The following GRID2IP variants were observed in gnomAD, a reference collection of about 807,000 sequenced individuals.
GRID2IP encodes the protein Grid2 interacting protein.
Under a neutral mutation model 114.3 loss-of-function variants are expected in GRID2IP, and 78 were observed. The observed-to-expected ratio is 0.68, with a 90% confidence interval of 0.57 to 0.82. The LOEUF (loss-of-function observed/expected upper bound fraction) is 0.82, where lower values mean the gene tolerates loss of function less well. Among genes scored for constraint, GRID2IP ranks in the 40% least tolerant of loss-of-function variants. The probability of loss-of-function intolerance (pLI) is 0.00; values close to 1 mark genes in which losing one functional copy is unlikely to be tolerated. For missense variants in GRID2IP, 1,727 were observed against 1,678.5 expected, an observed-to-expected ratio of 1.03 and a Z score of -0.51; for synonymous variants, 809 against 724.0, an observed-to-expected ratio of 1.12 and a Z score of -1.89.
Position 6,526,811 on chromosome 7 carries a change from C to T in GRID2IP, c.585-42G>A, listed in dbSNP as rs12702526. The stretch of plus-strand genomic sequence containing the variant: ...CGGAGTCGGGGCGCGTTCCCGGACC[C>T]CGGATCTCTGCAAACCGCGGCCCGA... On this transcript the variant is annotated intron_variant, in intron 2 of 21. Coordinates refer to ENST00000457091, the MANE Select transcript of GRID2IP (RefSeq NM_001145118.2). The surrounding 1 kb of genome is among the most constrained non-coding windows in gnomAD (Gnocchi z 7.6). 726,612 of 1,455,154 alleles carry T rather than the reference C, an allele frequency of 0.5. 195,984 individuals carry two copies. The highest frequency in any genetic ancestry group is 0.56 in the Non-Finnish European group (619,436 of 1,104,896). The allele number at this position is 1,455,154 out of a possible 1,614,324, so 90.1% of individuals were successfully genotyped here.
In GRID2IP at chr7:6,514,487, G is replaced by A. The variant is rs1471598668; in HGVS notation, c.1311C>T (p.Asp437=). ...TLIVDVYPVL[D]TPAKQVLWQF... ...GCCACAGGACCTGCTTGGCAGGGGT[G>A]TCCAGCACAGGGTAGACGTCAACGA... Residue 437 remains aspartate, a synonymous_variant, in exon 8 of 22, where the codon GAC becomes GAT. Transcript: ENST00000457091. 4.5e-6 allele frequency: 7 copies of A among 1,548,086 alleles called. No individual in the cohort carries two copies. The highest frequency in any genetic ancestry group is 6.1e-6 in the Non-Finnish European group (7 of 1,145,546).
rs1779686110 is a variant in GRID2IP at position 6,534,231 on chromosome 7, C to T, written c.584+5487G>A. On this transcript the variant is annotated intron_variant, in intron 2 of 21. Coordinates refer to ENST00000457091, the MANE Select transcript of GRID2IP (RefSeq NM_001145118.2). The surrounding 1 kb of genome is among the most constrained non-coding windows in gnomAD (Gnocchi z 4.5). ...ATTCAAGCCGGGTCTGTCCGGATTC[C>T]GAATCCCAGCTTCTACCATGACCTG... Among the ~76,000 whole-genome samples the T allele has an allele frequency of 6.6e-6, 1 of 152,146 alleles. No individual in the cohort carries two copies. The highest frequency in any genetic ancestry group is 2.4e-5 in the African/African-American group (1 of 41,440).
intron 7 of GRID2IP, among the ~76,000 whole-genome samples, chr7:6,518,765 C>T (rs1056255179): frequency 2.0e-5 from 3 of 151,806 alleles, no homozygotes; most frequent in Non-Finnish European, 4.4e-5. Context: ...AAAAAAGAAA[C>T]TAGCAAAAAT....
chr7:6,535,531 T>G (rs2115092334), intron 2 of GRID2IP, among the ~76,000 whole-genome samples: 1 of 152,192 alleles, frequency 6.6e-6, no homozygotes. Flanking sequence ...CGTGTATATT[T>G]TTTTGCCTAC....
intron 7 of GRID2IP, among the ~76,000 whole-genome samples, chr7:6,515,322 C>T (rs1479429768): frequency 1.3e-5 from 2 of 151,884 alleles, no homozygotes; most frequent in African/African-American, 2.4e-5. Context: ...ATTAGCTGGG[C>T]GTGGTGGCAT....
chr7:6,536,925 G>A lies in GRID2IP; in HGVS notation c.584+2793C>T, dbSNP rs1382491941. On this transcript the variant is annotated intron_variant, in intron 2 of 21. Coordinates refer to ENST00000457091, the MANE Select transcript of GRID2IP (RefSeq NM_001145118.2). This position sits in a 1 kb window ranked among gnomAD's most constrained non-coding sequence, Gnocchi z 5.3. ...CCGGGGCTGGGGTGGGCGGGGGGGC[G>A]GCGGGGAGGGTGGCCAGCCCAGTCC... The A allele has an allele frequency of 3.2e-6, 2 of 628,944 alleles. No individual in the cohort carries two copies. The highest frequency in any genetic ancestry group is 2.4e-5 in the Admixed American group (1 of 41,166). 39.0% of individuals were successfully genotyped at this position (628,944 alleles called of 1,614,324 possible).
rs768203864 is a variant in GRID2IP, at chr7:6,507,975, G to C, written c.2544+10C>G. ...CAGTACAGAGCGCTGCTGGGTCCCA[G>C]GTCACCTACCTGACCCCAGATGGTG... On this transcript the variant is annotated intron_variant, in intron 13 of 21. Transcript: ENST00000457091. This position sits in a 1 kb window ranked among gnomAD's most constrained non-coding sequence, Gnocchi z 5.3. 1 of 1,549,912 alleles carries C rather than the reference G, an allele frequency of 6.5e-7. No individual in the cohort carries two copies. Among genetic ancestry groups the C allele is most frequent in the South Asian group, 1.2e-5 (1 of 84,046 alleles).
rs1480441940 is a variant in GRID2IP, at chr7:6,509,213, G to T, written c.1872C>A (p.Ser624Arg). The T allele has an allele frequency of 1.3e-6, 2 of 1,497,146 alleles. No homozygotes were observed. The highest frequency in any genetic ancestry group is 5.0e-5 in the East Asian group (2 of 40,108). 92.7% of individuals were successfully genotyped at this position (1,497,146 alleles called of 1,614,324 possible). A position where few individuals can be genotyped will look rare whatever the true frequency, so the allele number is the denominator to read the frequency against. ...LCSGGLASPS[S>R]SESHPYASLD... ...GGCTGGCGTAGGGGTGGGACTCAGA[G>T]CTGCTGGGGGAGGCCAGACCCCCCG... Residue 624 changes from serine (S) to arginine (R), a missense_variant, in exon 12 of 22, where the codon AGC (serine) becomes AGA (arginine). Coordinates refer to ENST00000457091, the MANE Select transcript of GRID2IP (RefSeq NM_001145118.2). This position sits in a 1 kb window ranked among gnomAD's most constrained non-coding sequence, Gnocchi z 4.9.
chr7:6,512,231 C>CCTT (rs1779186584), intron 8 of GRID2IP, among the ~76,000 whole-genome samples: 1 of 90,196 alleles, frequency 1.1e-5, no homozygotes, highest in African/African-American at 4.6e-5. Flanking sequence ...TTCTTTTCTT[C>CCTT]TTTTTTTTTT....
chr7:6,548,759 T>C (rs930555830), intron 1 of GRID2IP, among the ~76,000 whole-genome samples: 1 of 151,514 alleles, frequency 6.6e-6, no homozygotes, highest in Admixed American at 6.6e-5. Flanking sequence ...GGAGAATCAC[T>C]TGAACCCAGG....
At chr7:6,505,665 G>A (rs904740993) in intron 14 of GRID2IP, among the ~76,000 whole-genome samples, 155 bp downstream of exon 14, 2 of 152,266 alleles carry the variant, frequency 1.3e-5, no homozygotes, top group Non-Finnish European at 1.5e-5. Context: ...CACTGTGCCC[G>A]GCCTAAATGC....
In GRID2IP at chr7:6,497,291, G is replaced by C. The variant is rs1288237446; in HGVS notation, c.*483C>G. Among the ~76,000 whole-genome samples the C allele has an allele frequency of 6.6e-6, 1 of 152,222 alleles. No homozygotes were observed. Among genetic ancestry groups the C allele is most frequent in the African/African-American group, 2.4e-5 (1 of 41,460 alleles). ...CCTGAAGCCAGCTTCCAAGGCCCAG[G>C]CTGGGCGTGCACATCCCCAGGGCCC... is the stretch of plus-strand genomic sequence containing the variant. On this transcript the variant is annotated 3_prime_UTR_variant, in exon 22 of 22. Coordinates refer to ENST00000457091, the MANE Select transcript of GRID2IP (RefSeq NM_001145118.2).
At chr7:6,524,964 T>G (rs1265691178) in intron 4 of GRID2IP, among the ~76,000 whole-genome samples, 2 of 151,750 alleles carry the variant, frequency 1.3e-5, no homozygotes, top group African/African-American at 4.8e-5. Context: ...GTGATCCACC[T>G]GCCTTGGCCT....
At chr7:6,533,658 C>G (rs1435367408) in intron 2 of GRID2IP, among the ~76,000 whole-genome samples, 1 of 151,570 alleles carries the variant, frequency 6.6e-6, no homozygotes, top group Non-Finnish European at 1.5e-5. Flanking sequence ...ACCACTGCCC[C>G]CAGCTCATTT....
rs182278308 is a variant in GRID2IP, at chr7:6,513,008, T to G, written c.1423+1367A>C. On this transcript the variant is annotated intron_variant, in intron 8 of 21. Coordinates refer to ENST00000457091, the MANE Select transcript of GRID2IP (RefSeq NM_001145118.2). ...CCTAGAACAGGGTAGAACACAGGCT[T>G]CGGCACACCTTCCATCCACATGACC... Among the ~76,000 whole-genome samples, 23 of 152,238 alleles carry G rather than the reference T, an allele frequency of 1.5e-4. No individual in the cohort carries two copies. In the East Asian group the frequency reaches 4.1e-3, roughly 27 times the overall value.
rs759135741 is a variant in GRID2IP at position 6,526,639 on chromosome 7, G to A, written c.715C>T (p.Pro239Ser). The A allele has an allele frequency of 2.2e-6, 3 of 1,364,824 alleles. No homozygotes were observed. Among genetic ancestry groups the A allele is most frequent in the Non-Finnish European group, 2.8e-6 (3 of 1,060,284 alleles). 84.5% of individuals were successfully genotyped at this position (1,364,824 alleles called of 1,614,324 possible). The change falls in exon 3 of 22, where the codon CCG becomes TCG. Residue 239 changes from proline to serine, a missense_variant. By Grantham distance (74) the Pro-to-Ser change is moderately conservative (BLOSUM62 -1). Coordinates refer to ENST00000457091, the MANE Select transcript of GRID2IP (RefSeq NM_001145118.2). This position sits in a 1 kb window ranked among gnomAD's most constrained non-coding sequence, Gnocchi z 7.6. ...RLRRSRSEERPERLLVSTRAS... is the reference protein window; with the variant it reads ...RLRRSRSEERSERLLVSTRAS... ...CGCGTGGACACCAGGAGGCGCTCCG[G>A]CCGCTCCTCGCTGCGGCTCCGGCGC...
chr7:6,504,954 C>T, intron 14 of GRID2IP, 84 bp from the exon 15 acceptor site: 1 of 1,047,110 alleles, frequency 9.6e-7, no homozygotes. Context: ...TCACAGCCAA[C>T]AGCCACTATC....
Position 6,520,619 on chromosome 7 carries a change from G to A in GRID2IP, c.1227C>T (p.Arg409=), listed in dbSNP as rs1356879182. 1 of 1,551,716 alleles carries A rather than the reference G, an allele frequency of 6.4e-7. No individual in the cohort carries two copies. The highest frequency in any genetic ancestry group is 2.0e-5 in the Admixed American group (1 of 51,012). Residue 409 remains arginine, a synonymous_variant, in exon 7 of 22, where the codon CGC becomes CGT. Transcript: ENST00000457091. The surrounding 1 kb of genome is among the most constrained non-coding windows in gnomAD (Gnocchi z 4.6). ...TCTCGAGGGCCCGGCAGACCCCATA[G>A]CGCTCAGGAGGTGTGAGTAGGTGCT... ...QLEHLLTPPE[R]YGVCRALESF...
In GRID2IP at chr7:6,508,865, C is replaced by G; in HGVS notation, c.2127+93G>C. The G allele has an allele frequency of 4.1e-6, 6 of 1,472,230 alleles. No homozygotes were observed. Among genetic ancestry groups the G allele is most frequent in the Non-Finnish European group, 5.4e-6 (6 of 1,113,416 alleles). 91.2% of individuals were successfully genotyped at this position (1,472,230 alleles called of 1,614,324 possible). A position where few individuals can be genotyped will look rare whatever the true frequency, so the allele number is the denominator to read the frequency against. ...AGCCTGGGGAAGATCCCAAGGGCAGCAGGCCCCTTGCGGGAGCCCAGGAAC... is the reference window on the plus strand; with the variant it reads ...AGCCTGGGGAAGATCCCAAGGGCAGGAGGCCCCTTGCGGGAGCCCAGGAAC... On this transcript the variant is annotated intron_variant, in intron 12 of 21. Transcript: ENST00000457091. This position sits in a 1 kb window ranked among gnomAD's most constrained non-coding sequence, Gnocchi z 5.6.
Sources: allele counts gnomAD v4.1 joint callset (sites outside exome capture counted in the v4.1 genomes callset), GRCh38; gene constraint gnomAD v4.1.1; non-coding constraint Gnocchi (gnomAD v3.1); transcripts MANE v1.5; gene names NCBI Gene and HGNC (gene_info 2026-07-23, HGNC 2026-07-21).